THADA: variants seen among roughly 807,000 people sequenced by gnomAD.
THADA encodes the protein tRNA (32-2'-O)-methyltransferase regulator THADA.
In THADA, 213 loss-of-function variants were observed where a neutral mutation model predicts 219.8. The ratio of observed to expected loss-of-function variants is 0.97; its 90% CI spans 0.87 to 1.09. The LOEUF (loss-of-function observed/expected upper bound fraction) is 1.09, where lower values mean the gene tolerates loss of function less well. Ranked by LOEUF, THADA falls within the 50% of genes least tolerant of loss-of-function variation. THADA has a pLI of 0.00. For synonymous variants in THADA, 1,018 were observed against 828.9 expected, an observed-to-expected ratio of 1.23 and a Z score of -3.92; for missense variants, 2,956 against 2,311.3, an observed-to-expected ratio of 1.28 and a Z score of -5.72.
chr2:43,242,847 G>A (rs1668757805), intron 36 of THADA, among the ~76,000 whole-genome samples: 1 of 152,158 alleles, frequency 6.6e-6, no homozygotes, highest in South Asian at 2.1e-4. Context: ...ATACATGGAT[G>A]GATGGATGGA....
chr2:43,464,371 T>C (rs1558802334), intron 26 of THADA, among the ~76,000 whole-genome samples: 1 of 152,362 alleles, frequency 6.6e-6, no homozygotes, highest in Middle Eastern at 3.4e-3. Context: ...TTTTACTTTT[T>C]TGAATCAATC....
At chr2:43,266,955 CT>C (rs1375894744) in intron 36 of THADA, among the ~76,000 whole-genome samples, 1 of 151,930 alleles carries the variant, frequency 6.6e-6, no homozygotes, top group Non-Finnish European at 1.5e-5. Flanking sequence ...GCCATTGCTC[CT>C]TTTTTTTGGT....
At chr2:43,392,853 G>A (rs1673556445) in intron 29 of THADA, among the ~76,000 whole-genome samples, 2 of 152,162 alleles carry the variant, frequency 1.3e-5, no homozygotes, top group Admixed American at 1.3e-4. Flanking sequence ...TGCATCAAAG[G>A]CAAACTCCTT....
chr2:43,402,448 A>G (rs1349619722), intron 28 of THADA, among the ~76,000 whole-genome samples: 3 of 152,232 alleles, frequency 2.0e-5, no homozygotes, highest in Non-Finnish European at 4.4e-5. Flanking sequence ...CAGCAAAAAA[A>G]GGACCATTCT....
intron 26 of THADA, among the ~76,000 whole-genome samples, chr2:43,462,122 G>C (rs916000878): frequency 5.3e-5 from 8 of 152,178 alleles, no homozygotes; most frequent in Non-Finnish European, 1.2e-4. Flanking sequence ...AGAGATGCCA[G>C]AATTTTAAAA....
intron 20 of THADA, among the ~76,000 whole-genome samples, chr2:43,546,057 G>C (rs1165386045): frequency 6.7e-6 from 1 of 149,384 alleles, no homozygotes; most frequent in Non-Finnish European, 1.5e-5. Context: ...GTGTCCGAGA[G>C]ATTCTGGTAT....
intron 26 of THADA, among the ~76,000 whole-genome samples, chr2:43,464,399 T>C (rs571237705): frequency 1.3e-5 from 2 of 152,338 alleles, no homozygotes; most frequent in Admixed American, 6.5e-5. Flanking sequence ...ACTTTCAAGA[T>C]TGGAATTGTA....
intron 25 of THADA, among the ~76,000 whole-genome samples, chr2:43,489,292 A>T (rs1298657950): frequency 6.6e-6 from 1 of 152,100 alleles, no homozygotes; most frequent in Non-Finnish European, 1.5e-5. Flanking sequence ...ACAATCCTCC[A>T]GCTGCAGCCT....
chr2:43,469,120 T>C (rs1024000853), intron 26 of THADA, among the ~76,000 whole-genome samples: 1 of 152,064 alleles, frequency 6.6e-6, no homozygotes, highest in South Asian at 2.1e-4. Context: ...AGCTTTGGGT[T>C]GAACCCAAAG....
At chr2:43,426,369 T>C (rs1324973516) in intron 28 of THADA, among the ~76,000 whole-genome samples, 1 of 152,242 alleles carries the variant, frequency 6.6e-6, no homozygotes, top group African/African-American at 2.4e-5. Context: ...GCACAGGTTC[T>C]AAAGCAAATC....
In THADA at chr2:43,577,097, T is replaced by C; in HGVS notation, c.962A>G (p.Gln321Arg). The stretch of plus-strand genomic sequence containing the variant: ...CCCACTCCGACCCATGCTTCCGTTC[T>C]GCCAGTCCAACATGGCAAGTGTCCC... ...CQGTLAMLDW[Q>R]NGSMGRSGEA... The change falls in exon 10 of 38, where the codon CAG (glutamine) becomes CGG (arginine). Residue 321 changes from glutamine to arginine, a missense_variant. Physicochemically the swap from Gln to Arg is conservative, Grantham distance 43 (BLOSUM62 1). Coordinates refer to ENST00000405975, the MANE Select transcript of THADA (RefSeq NM_022065.5). The C allele has an allele frequency of 6.2e-7, 1 of 1,613,452 alleles. No homozygotes were observed. Among genetic ancestry groups the C allele is most frequent in the Non-Finnish European group, 8.5e-7 (1 of 1,179,726 alleles).
chr2:43,511,322 T>G (rs535873976), intron 22 of THADA, among the ~76,000 whole-genome samples: 1 of 152,174 alleles, frequency 6.6e-6, no homozygotes, highest in Non-Finnish European at 1.5e-5. Flanking sequence ...ATAATGCTCC[T>G]CAACTGTCAG....
chr2:43,449,571 A>G (rs1397173301), intron 26 of THADA, among the ~76,000 whole-genome samples: 1 of 152,102 alleles, frequency 6.6e-6, no homozygotes, highest in Non-Finnish European at 1.5e-5. Context: ...GCAGAAAGAG[A>G]AGCCCGGGCA....
chr2:43,593,923 G>A (rs1002284337), intron 1 of THADA, among the ~76,000 whole-genome samples: 32 of 152,060 alleles, frequency 2.1e-4, no homozygotes, highest in African/African-American at 7.5e-4. Context: ...GTGAGCCACC[G>A]CGCCCAGCCT....
At chr2:43,484,592 A>G (rs1686651896) in intron 26 of THADA, 1 of 166,412 alleles carries the variant, frequency 6.0e-6, no homozygotes, top group Admixed American at 6.5e-5. Context: ...TTTAAAAACA[A>G]ACAGATCTTG....
intron 14 of THADA, among the ~76,000 whole-genome samples, chr2:43,568,025 G>A (rs1698882970): frequency 6.6e-6 from 1 of 152,004 alleles, no homozygotes; most frequent in Non-Finnish European, 1.5e-5. Flanking sequence ...AGCTACTACT[G>A]GGGGTGGGGG....
At chr2:43,520,978 AGG>A in intron 22 of THADA, among the ~76,000 whole-genome samples, 1 of 84,098 alleles carries the variant, frequency 1.2e-5, no homozygotes, top group African/African-American at 5.4e-5. Context: ...GAAGGGAGGG[AGG>A]AAGGGAGGAA....
chr2:43,432,361 T>C (rs1248215015), intron 26 of THADA, among the ~76,000 whole-genome samples: 1 of 152,210 alleles, frequency 6.6e-6, no homozygotes, highest in African/African-American at 2.4e-5. Context: ...TTATTCAATA[T>C]ATCAATAGTC....
chr2:43,422,895 A>T (rs987002238), intron 28 of THADA, among the ~76,000 whole-genome samples: 6 of 152,092 alleles, frequency 3.9e-5, no homozygotes, highest in Middle Eastern at 3.2e-3. Context: ...AATTTTTAAA[A>T]TTTTTTGTAG....
Sources: gnomAD v4.1 joint callset for allele counts (sites outside exome capture counted in the v4.1 genomes callset) on GRCh38, gnomAD v4.1.1 for gene constraint, MANE v1.5 for transcripts, NCBI Gene and HGNC (gene_info 2026-07-23, HGNC 2026-07-21) for gene names.